The following EGFLAM variants were observed in gnomAD, a reference collection of about 807,000 sequenced individuals.
EGFLAM encodes the protein EGF like, fibronectin type III and laminin G domains, also known as pikachurin.
EGFLAM carries 79 observed loss-of-function variants against 113.1 expected under a neutral mutation model. The observed-to-expected ratio is 0.70, with a 90% CI of 0.58 to 0.84. The LOEUF (loss-of-function observed/expected upper bound fraction) is 0.84. EGFLAM is among the 40% of genes least tolerant of loss of function. The pLI is 0.00. For synonymous variants in EGFLAM, 504 were observed against 487.6 expected (o/e 1.03, Z -0.44); for missense variants, 1,265 against 1,291.6 (o/e 0.98, Z 0.32).
intron 6 of EGFLAM, among the ~76,000 whole-genome samples, chr5:38,381,927 C>G (rs1026518950): frequency 3.9e-5 from 6 of 152,102 alleles, no homozygotes; most frequent in African/African-American, 1.4e-4. Flanking sequence ...TCTAAAGATT[C>G]GATTCCTCAA....
intron 6 of EGFLAM, among the ~76,000 whole-genome samples, chr5:38,396,900 A>G (rs1318633407): frequency 6.6e-6 from 1 of 152,096 alleles, no homozygotes; most frequent in Non-Finnish European, 1.5e-5. Context: ...CATCTGCTTG[A>G]CTTTCCACGG....
intron 19 of EGFLAM, among the ~76,000 whole-genome samples, chr5:38,455,237 C>T (rs1295660425): frequency 6.6e-6 from 1 of 152,186 alleles, no homozygotes; most frequent in Non-Finnish European, 1.5e-5. Context: ...TCCAAAAGGC[C>T]TCACCTGAAG....
At chr5:38,306,027 C>G (rs1043118231) in intron 1 of EGFLAM, among the ~76,000 whole-genome samples, 1 of 152,094 alleles carries the variant, frequency 6.6e-6, no homozygotes, top group Non-Finnish European at 1.5e-5. Flanking sequence ...CACTTAATCA[C>G]CAGAGACTGA....
chr5:38,428,723 A>G (rs1742094726), intron 14 of EGFLAM, among the ~76,000 whole-genome samples: 1 of 152,312 alleles, frequency 6.6e-6, no homozygotes, highest in Non-Finnish European at 1.5e-5. Context: ...CTGTGGGGTC[A>G]CAAGCACATG....
Position 38,323,409 on chromosome 5 carries a change from A to G in EGFLAM, c.98-14111A>G, listed in dbSNP as rs149455326. On this transcript the variant is annotated intron_variant, in intron 1 of 21. Coordinates refer to ENST00000322350, the MANE Select transcript of EGFLAM (RefSeq NM_152403.4). ...AGCATACTCTCCCTCATAGCAAAGA[A>G]GCACCCTTTTTATTTACTTATCTCT... is the stretch of plus-strand genomic sequence containing the variant. Among the ~76,000 whole-genome samples the G allele has an allele frequency of 6.8e-3, 1,039 of 152,314 alleles. 4 individuals carry two copies. Among genetic ancestry groups the G allele is most frequent in the Non-Finnish European group, 0.011 (750 of 68,010 alleles).
At chr5:38,276,686 A>AG (rs978438037) in intron 1 of EGFLAM, among the ~76,000 whole-genome samples, 1 of 152,134 alleles carries the variant, frequency 6.6e-6, no homozygotes, top group African/African-American at 2.4e-5. Flanking sequence ...TAGCTAGACT[A>AG]GAAAAAAAAG....
intron 16 of EGFLAM, among the ~76,000 whole-genome samples, chr5:38,436,225 A>G (rs1228493039): frequency 6.6e-6 from 1 of 152,178 alleles, no homozygotes; most frequent in Non-Finnish European, 1.5e-5. Flanking sequence ...GGTGGGCAGA[A>G]CCACCAAACA....
intron 16 of EGFLAM, 68 bp downstream of exon 16, chr5:38,435,321 A>G: frequency 1.7e-6 from 2 of 1,172,794 alleles, no homozygotes; most frequent in Admixed American, 3.6e-5. Flanking sequence ...GAGGATTATG[A>G]TCAGTGTCAT....
chr5:38,433,676 C>T (rs1579925391), intron 15 of EGFLAM, among the ~76,000 whole-genome samples: 2 of 152,164 alleles, frequency 1.3e-5, no homozygotes, highest in East Asian at 3.9e-4. Flanking sequence ...CCTCCTTGAC[C>T]CTGCATCCTT....
chr5:38,317,492 G>T (rs1465342749), intron 1 of EGFLAM, among the ~76,000 whole-genome samples: 1 of 152,146 alleles, frequency 6.6e-6, no homozygotes, highest in East Asian at 1.9e-4. Flanking sequence ...GACTGTCTTT[G>T]TAAAATGCCA....
At chr5:38,274,150 A>G (rs1757829625) in intron 1 of EGFLAM, among the ~76,000 whole-genome samples, 1 of 152,320 alleles carries the variant, frequency 6.6e-6, no homozygotes, top group South Asian at 2.1e-4. Flanking sequence ...ATATACAGCG[A>G]GGATTAAAAA....
chr5:38,258,899 T>C, intron 1 of EGFLAM, 48 bp downstream of exon 1: 1 of 1,573,388 alleles, frequency 6.4e-7, no homozygotes, highest in Middle Eastern at 1.8e-4. Flanking sequence ...GCGCCCCTGC[T>C]GGGCTCCGGG....
intron 1 of EGFLAM, among the ~76,000 whole-genome samples, chr5:38,270,897 T>C (rs1044516529): frequency 1.3e-5 from 2 of 152,214 alleles, no homozygotes; most frequent in African/African-American, 2.4e-5. Flanking sequence ...TGTTAACTTT[T>C]CTATATTTAT....
In EGFLAM at chr5:38,412,547, A is replaced by G. The variant is rs1329418380; in HGVS notation, c.1393A>G (p.Lys465Glu). 6.2e-7 allele frequency: 1 copy of G among 1,614,076 alleles called. No individual in the cohort carries two copies. Among genetic ancestry groups the G allele is most frequent in the Non-Finnish European group, 8.5e-7 (1 of 1,180,042 alleles). Reference protein sequence around the residue: ...TGVAIIVSETKIKLGGWHTVM... With the variant: ...TGVAIIVSETEIKLGGWHTVM... ...GGTTGCCATCATCGTAAGTGAGACC[A>G]AAATCAAACTAGGGGGTTGGCACAC... is the stretch of plus-strand genomic sequence containing the variant. The change falls in exon 11 of 22, where the codon AAA becomes GAA. Residue 465 changes from lysine (K) to glutamate (E), a missense_variant. Transcript: ENST00000322350.
In EGFLAM at chr5:38,264,307, C is replaced by T. The variant is rs550395793; in HGVS notation, c.97+5456C>T. Among the ~76,000 whole-genome samples the T allele has an allele frequency of 3.9e-5, 6 of 152,236 alleles. No individual in the cohort carries two copies. The South Asian group carries it at 1.0e-3, about 26-fold the overall frequency. ...GTTTTCCCTGGAGTATCTGGGTGTC[C>T]ATAATCATCCTTAGCACGATGCAGC... On this transcript the variant is annotated intron_variant, in intron 1 of 21. Coordinates refer to ENST00000322350, the MANE Select transcript of EGFLAM (RefSeq NM_152403.4).
intron 16 of EGFLAM, among the ~76,000 whole-genome samples, chr5:38,435,793 C>T (rs896992423): frequency 1.3e-5 from 2 of 150,766 alleles, no homozygotes; most frequent in Non-Finnish European, 2.9e-5. Context: ...GATACTGACT[C>T]CCCCGGCTCT....
chr5:38,351,708 A>G (rs547867796), intron 4 of EGFLAM, among the ~76,000 whole-genome samples: 6 of 152,314 alleles, frequency 3.9e-5, no homozygotes, highest in Admixed American at 6.5e-5. Flanking sequence ...ATGACCTACC[A>G]TTACTATGTA....
At chr5:38,279,263 A>G (rs757832067) in intron 1 of EGFLAM, among the ~76,000 whole-genome samples, 3 of 152,218 alleles carry the variant, frequency 2.0e-5, no homozygotes, top group African/African-American at 4.8e-5. Flanking sequence ...TTTATTTACT[A>G]TTGGTGGGAA....
intron 12 of EGFLAM, among the ~76,000 whole-genome samples, chr5:38,422,924 G>A (rs926884111): frequency 3.9e-5 from 6 of 152,178 alleles, no homozygotes; most frequent in Non-Finnish European, 5.9e-5. Context: ...ACTCACCCAT[G>A]CTCAGGTTCT....
Sources: gnomAD v4.1 joint callset for allele counts (sites outside exome capture counted in the v4.1 genomes callset) on GRCh38, gnomAD v4.1.1 for gene constraint, MANE v1.5 for transcripts, NCBI Gene and HGNC (gene_info 2026-07-23, HGNC 2026-07-21) for gene names.